CRIM1: variants seen among roughly 807,000 people sequenced by gnomAD.
The protein encoded by CRIM1 is cysteine-rich motor neuron 1 protein.
Under a neutral mutation model 116.4 loss-of-function variants are expected in CRIM1, and 32 were observed. That is an observed-to-expected ratio of 0.27 (90% CI 0.21 to 0.37). The LOEUF (loss-of-function observed/expected upper bound fraction) is 0.37, where lower values mean the gene tolerates loss of function less well. Ranked by LOEUF, CRIM1 falls within the 10% of genes least tolerant of loss-of-function variation. CRIM1 has a pLI of 1.00. For synonymous variants in CRIM1, 590 were observed against 509.2 expected (o/e 1.16, Z -2.13); for missense variants, 1,331 against 1,354.8 (o/e 0.98, Z 0.28).
chr2:36,462,028 G>A (rs916559662), intron 4 of CRIM1, among the ~76,000 whole-genome samples: 29 of 152,232 alleles, frequency 1.9e-4, no homozygotes, highest in Admixed American at 3.9e-4. Flanking sequence ...TGCAGGGAAG[G>A]AAACAAGGAG....
chr2:36,501,986 T>G (rs1681033638), intron 8 of CRIM1, among the ~76,000 whole-genome samples: 2 of 152,232 alleles, frequency 1.3e-5, no homozygotes, highest in African/African-American at 4.8e-5. Flanking sequence ...GTGTTTATAT[T>G]TTAATCCTTC....
At chr2:36,428,186 A>AAGCAGTG (rs1674604682) in intron 2 of CRIM1, among the ~76,000 whole-genome samples, 1 of 152,208 alleles carries the variant, frequency 6.6e-6, no homozygotes. Flanking sequence ...GTTTTGATGG[A>AAGCAGTG]AGCAGTGCAG....
intron 13 of CRIM1, 113 bp downstream of exon 13, chr2:36,522,426 A>G: frequency 1.3e-6 from 1 of 768,778 alleles, no homozygotes; most frequent in South Asian, 1.6e-5. Flanking sequence ...TCCCTGCTTG[A>G]CATGTCACAC....
intron 7 of CRIM1, among the ~76,000 whole-genome samples, chr2:36,485,307 G>C (rs1038263861): frequency 1.3e-5 from 2 of 152,184 alleles, no homozygotes; most frequent in Non-Finnish European, 2.9e-5. Flanking sequence ...TTGAAGACTG[G>C]ATGTCAGGCA....
chr2:36,549,657 T>C lies in CRIM1; in HGVS notation c.*956T>C, dbSNP rs1667609648. ...TTAAAAAGACTGTTTGGGGATTCTT[T>C]TTCCTTATTATATACTGATTCTACA... On this transcript the variant is annotated 3_prime_UTR_variant, in exon 17 of 17. Transcript: ENST00000280527. The C allele has an allele frequency of 6.6e-6, 1 of 152,488 alleles. No individual in the cohort carries two copies. The highest frequency in any genetic ancestry group is 6.5e-5 in the Admixed American group (1 of 15,272). The allele number at this position is 152,488 out of a possible 1,614,324, so 9.4% of individuals were successfully genotyped here. A position where few individuals can be genotyped will look rare whatever the true frequency, so the allele number is the denominator to read the frequency against.
chr2:36,413,626 C>A (rs1193625131), intron 2 of CRIM1, among the ~76,000 whole-genome samples: 1 of 152,172 alleles, frequency 6.6e-6, no homozygotes, highest in East Asian at 1.9e-4. Flanking sequence ...AATTAGATAC[C>A]TACACACGTG....
chr2:36,484,354 C>G (rs564149190), intron 7 of CRIM1, among the ~76,000 whole-genome samples: 59 of 151,904 alleles, frequency 3.9e-4, no homozygotes, highest in African/African-American at 1.3e-3. Flanking sequence ...TCAATAATAG[C>G]AAGTATAAAT....
rs2125116319 is a variant in CRIM1 at position 36,514,762 on chromosome 2, G to C, written c.1990+997G>C. ...GCCTGGTCCTTGTGCAACAAGACTA[G>C]CCTGGGAGGGAAACTGACCTTGTTC... On this transcript the variant is annotated intron_variant, in intron 11 of 16. Coordinates refer to ENST00000280527, the MANE Select transcript of CRIM1 (RefSeq NM_016441.3). 2.6e-5 allele frequency among the ~76,000 whole-genome samples: 4 copies of C among 152,284 alleles called. No individual in the cohort carries two copies. In the South Asian group the frequency reaches 8.3e-4, roughly 32 times the overall value.
At chr2:36,501,507 T>G (rs1680990904) in intron 8 of CRIM1, among the ~76,000 whole-genome samples, 2 of 151,828 alleles carry the variant, frequency 1.3e-5, no homozygotes, top group African/African-American at 4.8e-5. Flanking sequence ...TTGCTTGACC[T>G]CAGGAGTTCG....
intron 13 of CRIM1, among the ~76,000 whole-genome samples, chr2:36,532,937 G>A (rs1239106828): frequency 6.6e-6 from 1 of 152,180 alleles, no homozygotes; most frequent in Non-Finnish European, 1.5e-5. Context: ...AAACTTAATT[G>A]TCAGAATAAG....
intron 11 of CRIM1, among the ~76,000 whole-genome samples, chr2:36,514,731 C>T (rs1171303173): frequency 6.6e-6 from 1 of 152,072 alleles, no homozygotes; most frequent in Admixed American, 6.6e-5. Context: ...TAGCCGGGAG[C>T]CTGAGGCCTG....
At chr2:36,517,012 A>C (rs1425509782) in intron 11 of CRIM1, among the ~76,000 whole-genome samples, 1 of 152,170 alleles carries the variant, frequency 6.6e-6, no homozygotes, top group African/African-American at 2.4e-5. Flanking sequence ...ACATTCACAG[A>C]AATGCCAGAA....
chr2:36,398,432 A>G (rs35842347), intron 2 of CRIM1, among the ~76,000 whole-genome samples: 54 of 152,322 alleles, frequency 3.5e-4, no homozygotes, highest in African/African-American at 9.1e-4. Context: ...AATTAGGACA[A>G]TTGCATTTGT....
rs1038121223 is a variant in CRIM1 at position 36,550,506 on chromosome 2, T to G, written c.*1805T>G. 2.6e-5 allele frequency: 4 copies of G among 152,566 alleles called. No homozygotes were observed. Among genetic ancestry groups the G allele is most frequent in the African/African-American group, 4.8e-5 (2 of 41,438 alleles). 9.5% of individuals were successfully genotyped at this position (152,566 alleles called of 1,614,324 possible). ...GTTTTGTAAAGGAACTTTCAAGTAT[T>G]GTTGTAAATACTTGGACAGAGGTTG... On this transcript the variant is annotated 3_prime_UTR_variant, in exon 17 of 17. Coordinates refer to ENST00000280527, the MANE Select transcript of CRIM1 (RefSeq NM_016441.3).
At chr2:36,438,276 A>G (rs1363728242) in intron 2 of CRIM1, among the ~76,000 whole-genome samples, 1 of 152,264 alleles carries the variant, frequency 6.6e-6, no homozygotes, top group African/African-American at 2.4e-5. Context: ...GTAATAGAAT[A>G]TGATAAGAAT....
chr2:36,441,298 G>A lies in CRIM1; in HGVS notation c.546G>A (p.Gln182=), dbSNP rs755209452. The change falls in exon 3 of 17, where the codon CAG becomes CAA. Residue 182 remains glutamine (Q), a synonymous_variant. Coordinates refer to ENST00000280527, the MANE Select transcript of CRIM1 (RefSeq NM_016441.3). ...GCTCCAAGGCCCGCTGTGAAGTCCAGTTCTCTCCACGTTGTCCTGAAGATT... is the reference window on the plus strand; with the variant it reads ...GCTCCAAGGCCCGCTGTGAAGTCCAATTCTCTCCACGTTGTCCTGAAGATT... ...PDCSKARCEV[Q]FSPRCPEDSV... is the part of the protein sequence containing the mutation. The A allele has an allele frequency of 2.5e-6, 4 of 1,614,192 alleles. No individual in the cohort carries two copies. Among genetic ancestry groups the A allele is most frequent in the South Asian group, 1.1e-5 (1 of 91,084 alleles).
At chr2:36,489,566 C>G (rs1428262505) in intron 7 of CRIM1, among the ~76,000 whole-genome samples, 1 of 152,094 alleles carries the variant, frequency 6.6e-6, no homozygotes, top group African/African-American at 2.4e-5. Context: ...ATGAGGAGCC[C>G]CTACAATTCT....
intron 5 of CRIM1, among the ~76,000 whole-genome samples, chr2:36,476,098 A>T (rs551919053): frequency 1.3e-5 from 2 of 151,836 alleles, no homozygotes; most frequent in Admixed American, 1.3e-4. Context: ...ATGTAGGGAG[A>T]GTGTTTCAAG....
intron 3 of CRIM1, among the ~76,000 whole-genome samples, chr2:36,441,929 G>C (rs771397077): frequency 2.6e-5 from 4 of 152,126 alleles, no homozygotes; most frequent in African/African-American, 7.2e-5. Context: ...ATGAATACAT[G>C]CATCAAAACG....
Sources: allele counts gnomAD v4.1 joint callset (sites outside exome capture counted in the v4.1 genomes callset), GRCh38; gene constraint gnomAD v4.1.1; transcripts MANE v1.5; gene names NCBI Gene and HGNC (gene_info 2026-07-23, HGNC 2026-07-21).